GLI3: variants seen among roughly 807,000 people sequenced by gnomAD.
GLI3 encodes the protein GLI family zinc finger 3.
A neutral mutation model predicts 100.8 loss-of-function variants in GLI3; 20 were observed. The observed-to-expected ratio is 0.20, with a 90% CI of 0.14 to 0.29. GLI3 has a LOEUF of 0.29. GLI3 is among the 10% of genes least tolerant of loss of function. The probability of loss-of-function intolerance (pLI) is 1.00; values close to 1 mark genes in which losing one functional copy is unlikely to be tolerated. For synonymous variants in GLI3, 938 were observed against 860.5 expected, an observed-to-expected ratio of 1.09 and a Z score of -1.58; for missense variants, 2,040 against 2,128.5, an observed-to-expected ratio of 0.96 and a Z score of 0.82.
chr7:42,066,582 C>T (rs1455087761), intron 4 of GLI3, among the ~76,000 whole-genome samples: 1 of 152,184 alleles, frequency 6.6e-6, no homozygotes, highest in Non-Finnish European at 1.5e-5. Flanking sequence ...CAGCCTGCTC[C>T]CCACATTCCA....
In GLI3 at chr7:42,099,735, T is replaced by C. The variant is rs536059774; in HGVS notation, c.368-22878A>G. Among the ~76,000 whole-genome samples the C allele has an allele frequency of 2.4e-3, 363 of 152,350 alleles. 1 individual carries two copies. The highest frequency in any genetic ancestry group is 4.5e-3 in the Non-Finnish European group (304 of 68,034). ...TTGTAGAGACAGAGTCTTGCTATGTTGCCCAGGCTGGTCCCGTACTTGTGG... is the reference window on the plus strand; with the variant it reads ...TTGTAGAGACAGAGTCTTGCTATGTCGCCCAGGCTGGTCCCGTACTTGTGG... On this transcript the variant is annotated intron_variant, in intron 3 of 14. Coordinates refer to ENST00000395925, the MANE Select transcript of GLI3 (RefSeq NM_000168.6).
rs1248695416 is a variant in GLI3 at position 41,964,287 on chromosome 7, C to T, written c.*43G>A. The T allele has an allele frequency of 1.9e-6, 3 of 1,578,986 alleles. No individual in the cohort carries two copies. Among genetic ancestry groups the T allele is most frequent in the East Asian group, 2.2e-5 (1 of 44,736 alleles). On this transcript the variant is annotated 3_prime_UTR_variant, in exon 15 of 15. Coordinates refer to ENST00000395925, the MANE Select transcript of GLI3 (RefSeq NM_000168.6). ...AACAAAGTCAGTTTAATCTCTTCAA[C>T]TCCTATTGATTTCCGTTGGTTGCAG...
intron 2 of GLI3, among the ~76,000 whole-genome samples, chr7:42,181,070 C>G (rs2128681850): frequency 6.6e-6 from 1 of 152,304 alleles, no homozygotes; most frequent in Middle Eastern, 3.4e-3. Context: ...CAACCACACA[C>G]AATCATAAAC....
At chr7:42,262,851 T>TTTATTTA (rs1789159818) in intron 1 of GLI3, among the ~76,000 whole-genome samples, 2 of 152,212 alleles carry the variant, frequency 1.3e-5, no homozygotes, top group African/African-American at 4.8e-5. Context: ...CTAAGAGGGA[T>TTTATTTA]TCCATTTTCT....
chr7:42,062,953 A>G (rs1186077819), intron 4 of GLI3, among the ~76,000 whole-genome samples: 2 of 152,160 alleles, frequency 1.3e-5, no homozygotes, highest in Non-Finnish European at 2.9e-5. Context: ...GCTAAACTGT[A>G]TTGCAGATAA....
chr7:42,119,496 G>A (rs757491804), intron 3 of GLI3, among the ~76,000 whole-genome samples: 8 of 152,142 alleles, frequency 5.3e-5, no homozygotes, highest in Non-Finnish European at 1.0e-4. Flanking sequence ...AGTAAGTGCT[G>A]GGGTTTGGGA....
At chr7:42,156,251 T>C (rs995878747) in intron 2 of GLI3, among the ~76,000 whole-genome samples, 1 of 152,216 alleles carries the variant, frequency 6.6e-6, no homozygotes, top group African/African-American at 2.4e-5. Context: ...CAAGACTCTT[T>C]CTTGAATTAA....
intron 4 of GLI3, among the ~76,000 whole-genome samples, chr7:42,074,847 A>T (rs914494404): frequency 1.3e-5 from 2 of 152,178 alleles, no homozygotes; most frequent in African/African-American, 4.8e-5. Flanking sequence ...CTTTTTGATA[A>T]TTATACATTT....
chr7:42,044,380 C>A (rs190551735), intron 6 of GLI3, among the ~76,000 whole-genome samples: 2 of 152,228 alleles, frequency 1.3e-5, no homozygotes, highest in East Asian at 1.9e-4. Context: ...ACGGATGTGT[C>A]CTTAAAGGAT....
intron 3 of GLI3, among the ~76,000 whole-genome samples, chr7:42,107,255 C>T (rs778224272): frequency 6.6e-6 from 1 of 151,434 alleles, no homozygotes; most frequent in Non-Finnish European, 1.5e-5. Context: ...CCCTTGAGCC[C>T]GGGAGGTCGG....
chr7:42,014,170 A>T (rs1355646144), intron 10 of GLI3, among the ~76,000 whole-genome samples: 1 of 152,196 alleles, frequency 6.6e-6, no homozygotes, highest in Non-Finnish European at 1.5e-5. Context: ...CCATCTTTCT[A>T]AAGCTGATGC....
intron 2 of GLI3, among the ~76,000 whole-genome samples, chr7:42,218,077 A>C (rs1003222259): frequency 6.6e-6 from 1 of 152,190 alleles, no homozygotes; most frequent in Admixed American, 6.5e-5. Flanking sequence ...CAGATCCCAG[A>C]ACCTGTGTGT....
At chr7:42,210,928 T>C (rs1788260057) in intron 2 of GLI3, among the ~76,000 whole-genome samples, 1 of 152,256 alleles carries the variant, frequency 6.6e-6, no homozygotes, top group Non-Finnish European at 1.5e-5. Flanking sequence ...TTTTCTGCTG[T>C]AACACTGCAC....
chr7:42,095,421 T>C (rs1433527739), intron 3 of GLI3, among the ~76,000 whole-genome samples: 9 of 152,092 alleles, frequency 5.9e-5, no homozygotes, highest in Non-Finnish European at 1.3e-4. Flanking sequence ...TTTGGAAGTA[T>C]TACTTTGGTG....
chr7:42,017,379 G>A (rs746362503), intron 10 of GLI3, among the ~76,000 whole-genome samples: 1 of 152,180 alleles, frequency 6.6e-6, no homozygotes, highest in Non-Finnish European at 1.5e-5. Context: ...AAATATTTCA[G>A]GGAGTATACA....
At chr7:41,986,971 T>C (rs1787842875) in intron 10 of GLI3, among the ~76,000 whole-genome samples, 1 of 147,498 alleles carries the variant, frequency 6.8e-6, no homozygotes, top group Admixed American at 7.0e-5. Flanking sequence ...TAGAATGGAA[T>C]CTGACTTCCC....
chr7:42,076,929 A>T (rs1424955637), intron 3 of GLI3, 72 bp from the exon 4 acceptor site: 1 of 867,464 alleles, frequency 1.2e-6, no homozygotes, highest in Non-Finnish European at 2.0e-6. Context: ...ACAAAGCAAC[A>T]TTGCTATACT....
At chr7:41,983,190 C>T (rs1787722251) in intron 10 of GLI3, among the ~76,000 whole-genome samples, 1 of 152,158 alleles carries the variant, frequency 6.6e-6, no homozygotes, top group African/African-American at 2.4e-5. Flanking sequence ...GTTTCCTTCT[C>T]GTACTAACAT....
chr7:42,141,753 A>G (rs142074067), intron 3 of GLI3, among the ~76,000 whole-genome samples: 17 of 152,334 alleles, frequency 1.1e-4, no homozygotes, highest in African/African-American at 3.6e-4. Context: ...GCTCTCAGGA[A>G]GGATTAGGTG....
Sources: allele counts gnomAD v4.1 joint callset (sites outside exome capture counted in the v4.1 genomes callset), GRCh38; gene constraint gnomAD v4.1.1; transcripts MANE v1.5; gene names NCBI Gene and HGNC (gene_info 2026-07-23, HGNC 2026-07-21).